The following VPS37A variants were observed in gnomAD, a reference collection of about 807,000 sequenced individuals.
The protein encoded by VPS37A is vacuolar protein sorting-associated protein 37A.
VPS37A carries 30 observed loss-of-function variants against 49.8 expected under a neutral mutation model. The ratio of observed to expected loss-of-function variants is 0.60; its 90% CI spans 0.45 to 0.82. The LOEUF (loss-of-function observed/expected upper bound fraction) is 0.82, where lower values mean the gene tolerates loss of function less well. Among genes scored for constraint, VPS37A ranks in the 40% least tolerant of loss-of-function variants. VPS37A has a pLI of 0.00. For synonymous variants in VPS37A, 195 were observed against 160.6 expected (o/e 1.21, Z -1.62); for missense variants, 593 against 464.4 (o/e 1.28, Z -2.55).
chr8:17,303,206 C>G (rs1432761069), downstream of VPS37A, among the ~76,000 whole-genome samples: 3 of 152,134 alleles, frequency 2.0e-5, no homozygotes, highest in Admixed American at 6.5e-5. Context: ...TATGTGTTGA[C>G]TAGCTGTTAA....
intron 9 of VPS37A, among the ~76,000 whole-genome samples, chr8:17,282,291 G>C (rs1054616980): frequency 1.3e-5 from 2 of 151,972 alleles, no homozygotes; most frequent in African/African-American, 4.8e-5. Flanking sequence ...TTATAAAATT[G>C]GTTATTTAGT....
chr8:17,302,651 C>T (rs1168533374), downstream of VPS37A, among the ~76,000 whole-genome samples: 2 of 119,982 alleles, frequency 1.7e-5, no homozygotes, highest in African/African-American at 6.1e-5. Flanking sequence ...AAACTTGCAG[C>T]TTTTATCTTT....
At chr8:17,300,251 G>A (rs1817028486), downstream of VPS37A, 2 of 1,578,854 alleles carry the variant, frequency 1.3e-6, no homozygotes, top group Non-Finnish European at 1.7e-6. Flanking sequence ...AATTTCAGGG[G>A]AAAAATCATA....
chr8:17,323,533 C>T, the VPS37A span, among the ~76,000 whole-genome samples: 3 of 151,950 alleles, frequency 2.0e-5, no homozygotes, highest in Admixed American at 6.6e-5. Context: ...GAAAGTCCGG[C>T]GTGGATGTAA....
chr8:17,286,102 AAAG>A (rs1306688613), intron 10 of VPS37A, among the ~76,000 whole-genome samples: 8 of 152,190 alleles, frequency 5.3e-5, no homozygotes, highest in Non-Finnish European at 8.8e-5. Context: ...GGGGTGCAGG[AAAG>A]AAGATGACAG....
rs930511345 is a variant in VPS37A, at chr8:17,262,829, G to A, written c.126-3078G>A. On this transcript the variant is annotated intron_variant, in intron 1 of 11. Coordinates refer to ENST00000324849, the MANE Select transcript of VPS37A (RefSeq NM_152415.3). ...TGTAATCCTAGCACTTTGGGAGGCCGAGGCGGGCAGATCACGAGGTCAAGA... is the reference window on the plus strand; with the variant it reads ...TGTAATCCTAGCACTTTGGGAGGCCAAGGCGGGCAGATCACGAGGTCAAGA... Among the ~76,000 whole-genome samples the A allele has an allele frequency of 5.9e-5, 9 of 152,118 alleles. No individual in the cohort carries two copies. The South Asian group carries it at 6.2e-4, about 11-fold the overall frequency.
In VPS37A at chr8:17,296,269, C is replaced by G. The variant is rs942152118; in HGVS notation, c.*1283C>G. On this transcript the variant is annotated 3_prime_UTR_variant, in exon 12 of 12. Coordinates refer to ENST00000324849, the MANE Select transcript of VPS37A (RefSeq NM_152415.3). ...TCTGTTTGTGGAGGGCAGGTATTCA[C>G]GTGGACTGAGATACAATGTTGGATA... 6.6e-6 allele frequency: 1 copy of G among 152,090 alleles called. No individual in the cohort carries two copies. The highest frequency in any genetic ancestry group is 1.5e-5 in the Non-Finnish European group (1 of 68,018). The allele number at this position is 152,090 out of a possible 1,614,324, so 9.4% of individuals were successfully genotyped here.
chr8:17,269,785 T>C (rs80159594), intron 4 of VPS37A, among the ~76,000 whole-genome samples: 2,801 of 152,334 alleles, frequency 0.018, 38 homozygotes, highest in Middle Eastern at 0.034. Flanking sequence ...AGTTTCTTGG[T>C]TTACTGCCTT....
At chr8:17,314,948 C>T in the VPS37A span, among the ~76,000 whole-genome samples, 9 of 152,190 alleles carry the variant, frequency 5.9e-5, no homozygotes, top group African/African-American at 1.7e-4. Flanking sequence ...ACATGCAGAA[C>T]GGTAAATGAG....
At chr8:17,268,433 A>G (rs909495236) in intron 3 of VPS37A, 61 bp downstream of exon 3, 5 of 1,250,856 alleles carry the variant, frequency 4.0e-6, no homozygotes, top group Admixed American at 2.3e-5. Flanking sequence ...TTTCTACTAA[A>G]TATTTTAGAA....
chr8:17,285,524 C>T (rs1157317239), intron 10 of VPS37A, among the ~76,000 whole-genome samples: 1 of 152,140 alleles, frequency 6.6e-6, no homozygotes, highest in Non-Finnish European at 1.5e-5. Flanking sequence ...CTGAAATAAT[C>T]ACATTTTAAA....
At chr8:17,331,131 G>C in the VPS37A span, 1 of 1,605,736 alleles carries the variant, frequency 6.2e-7, no homozygotes, top group African/African-American at 1.3e-5. Flanking sequence ...TTAATGCTGT[G>C]CATAAGGAAA....
At chr8:17,323,921 A>G in the VPS37A span, among the ~76,000 whole-genome samples, 27 of 152,348 alleles carry the variant, frequency 1.8e-4, no homozygotes, top group Admixed American at 3.3e-4. Context: ...ATAATTCTGA[A>G]GGTGAACATT....
At chr8:17,302,595 C>T (rs911720899), downstream of VPS37A, among the ~76,000 whole-genome samples, 1 of 146,780 alleles carries the variant, frequency 6.8e-6, no homozygotes, top group Non-Finnish European at 1.5e-5. Context: ...TAGTTTTGAA[C>T]TTTGAAATTG....
At chr8:17,248,062 A>C in intron 1 of VPS37A, 1 of 421,292 alleles carries the variant, frequency 2.4e-6, no homozygotes, top group Non-Finnish European at 4.4e-6. Context: ...GTTTAGAAAT[A>C]TTTTTACAAT....
At chr8:17,268,717 C>G (rs923739300) in intron 3 of VPS37A, 139 bp from the exon 4 acceptor site, 2 of 651,556 alleles carry the variant, frequency 3.1e-6, no homozygotes, top group African/African-American at 3.7e-5. Flanking sequence ...AATGCTATAA[C>G]TTGTTAATTG....
At chr8:17,274,700 T>C (rs777063065) in intron 4 of VPS37A, 33 bp from the exon 5 acceptor site, 16 of 1,544,754 alleles carry the variant, frequency 1.0e-5, no homozygotes, top group Middle Eastern at 3.4e-4. Context: ...ATCCATAAAA[T>C]CTAATGTAAT....
rs371171921 is a variant in VPS37A, at chr8:17,257,624, C to G, written c.126-8283C>G. ...ACATTCTGCACATGTACTCCAGAAC[C>G]TAAAGTATAATTTGTAAAAAAATTG... On this transcript the variant is annotated intron_variant, in intron 1 of 11. Transcript: ENST00000324849. Among the ~76,000 whole-genome samples the G allele has an allele frequency of 3.3e-5, 5 of 152,114 alleles. No individual in the cohort carries two copies. The East Asian group carries it at 9.6e-4, about 29-fold the overall frequency.
the VPS37A span, among the ~76,000 whole-genome samples, chr8:17,312,392 T>A: frequency 6.6e-6 from 1 of 152,038 alleles, no homozygotes; most frequent in South Asian, 2.1e-4. Flanking sequence ...CTGACCAACA[T>A]GGTGAAACCC....
Sources: allele counts gnomAD v4.1 joint callset (sites outside exome capture counted in the v4.1 genomes callset), GRCh38; gene constraint gnomAD v4.1.1; transcripts MANE v1.5; gene names NCBI Gene and HGNC (gene_info 2026-07-23, HGNC 2026-07-21).